Variants in USPL1 observed in about 807,000 individuals in gnomAD.
USPL1 encodes the protein ubiquitin specific peptidase like 1, also known as SUMO-specific isopeptidase USPL1.
A neutral mutation model predicts 51.5 loss-of-function variants in USPL1; 27 were observed. That is an observed-to-expected ratio of 0.52 (90% CI 0.39 to 0.72). USPL1 has a LOEUF of 0.72. USPL1 is among the 30% of genes least tolerant of loss of function. USPL1 has a pLI of 0.00. For synonymous variants in USPL1, 451 were observed against 459.6 expected (o/e 0.98, Z 0.24); for missense variants, 1,226 against 1,268.0 (o/e 0.97, Z 0.50).
Position 30,660,062 on chromosome 13 carries a change from T to C in USPL1, c.*706T>C, listed in dbSNP as rs1276546438. 6.6e-6 allele frequency: 1 copy of C among 152,290 alleles called. No individual in the cohort carries two copies. The highest frequency in any genetic ancestry group is 2.4e-5 in the African/African-American group (1 of 41,468). The allele number at this position is 152,290 out of a possible 1,614,324, so 9.4% of individuals were successfully genotyped here. On this transcript the variant is annotated 3_prime_UTR_variant, in exon 9 of 9. Transcript: ENST00000255304. ...CCCTGGAGAGGATAGCTTCTATCCA[T>C]AGGCAGGTTGTTCTGCCGTCTCTAC...
chr13:30,620,830 T>C (rs2137597497), intron 1 of USPL1, among the ~76,000 whole-genome samples: 1 of 152,326 alleles, frequency 6.6e-6, no homozygotes, highest in South Asian at 2.1e-4. Flanking sequence ...ATTTAATTTG[T>C]TGACAAATGA....
chr13:30,625,743 CG>C (rs1950707109), intron 3 of USPL1, among the ~76,000 whole-genome samples: 1 of 151,706 alleles, frequency 6.6e-6, no homozygotes, highest in Non-Finnish European at 1.5e-5. Context: ...ACGCCCAGCC[CG>C]GAGTTTTGGT....
chr13:30,659,794 A>G lies in USPL1; in HGVS notation c.*438A>G, dbSNP rs1951232200. The G allele has an allele frequency of 6.3e-6, 1 of 159,166 alleles. No individual in the cohort carries two copies. Among genetic ancestry groups the G allele is most frequent in the Admixed American group, 6.3e-5 (1 of 15,768 alleles). 9.9% of individuals were successfully genotyped at this position (159,166 alleles called of 1,614,324 possible). ...TTGTCCTGTGTCCAGATATGCAGAC[A>G]AATGAAGGGTGAAGAAGAAGAAGAG... On this transcript the variant is annotated 3_prime_UTR_variant, in exon 9 of 9. Transcript: ENST00000255304.
At chr13:30,649,793 T>G (rs904378886) in intron 7 of USPL1, among the ~76,000 whole-genome samples, 1 of 152,228 alleles carries the variant, frequency 6.6e-6, no homozygotes, top group Non-Finnish European at 1.5e-5. Context: ...TTTTCTTTTC[T>G]TTTCCTAAGG....
At chr13:30,633,412 T>C (rs1593370439) in intron 4 of USPL1, among the ~76,000 whole-genome samples, 1 of 152,304 alleles carries the variant, frequency 6.6e-6, no homozygotes, top group African/African-American at 2.4e-5. Flanking sequence ...TGGATGGTAC[T>C]GAACCCTGTA....
chr13:30,659,109 T>C lies in USPL1; in HGVS notation c.3032T>C (p.Phe1011Ser). The change falls in exon 9 of 9, where the codon TTC (phenylalanine) becomes TCC (serine). Residue 1011 changes from phenylalanine to serine, a missense_variant. Transcript: ENST00000255304. ...SHIPPPVPSE[F>S]NDVSQNTHLR... is the part of the protein sequence containing the mutation. The stretch of plus-strand genomic sequence containing the variant: ...ATCCCACCACCAGTACCAAGTGAAT[T>C]CAATGATGTTTCCCAGAACACACAT... 6.2e-7 allele frequency: 1 copy of C among 1,614,194 alleles called. No homozygotes were observed. Among genetic ancestry groups the C allele is most frequent in the Non-Finnish European group, 8.5e-7 (1 of 1,180,032 alleles).
chr13:30,654,959 A>G (rs978992075), intron 8 of USPL1, among the ~76,000 whole-genome samples: 1 of 148,230 alleles, frequency 6.7e-6, no homozygotes, highest in African/African-American at 2.5e-5. Context: ...TTTTTTTGAG[A>G]TGGAGTTTTG....
At position 30,657,467 on chromosome 13, in the gene USPL1, C is replaced by A; in HGVS notation, c.1397-7C>A. 1.3e-6 allele frequency: 2 copies of A among 1,568,098 alleles called. No individual in the cohort carries two copies. The highest frequency in any genetic ancestry group is 8.6e-7 in the Non-Finnish European group (1 of 1,162,006). On this transcript the variant is annotated splice_region_variant and splice_polypyrimidine_tract_variant and intron_variant, in intron 8 of 8. Transcript: ENST00000255304. Reference sequence around the variant, plus strand: ...TATCTAACTTTCACTTCTTTCCCATCTTCCAGGAAGTTGGCTGGAATGTGA... The same window carrying A: ...TATCTAACTTTCACTTCTTTCCCATATTCCAGGAAGTTGGCTGGAATGTGA...
chr13:30,654,829 T>A (rs148437752), intron 8 of USPL1, among the ~76,000 whole-genome samples: 1,771 of 152,322 alleles, frequency 0.012, 26 homozygotes, highest in Middle Eastern at 0.051. Context: ...TGACTTTTTT[T>A]AATTCATATG....
chr13:30,637,023 G>A (rs1950885513), intron 4 of USPL1, among the ~76,000 whole-genome samples: 1 of 152,084 alleles, frequency 6.6e-6, no homozygotes, highest in Non-Finnish European at 1.5e-5. Context: ...ACAGCTCACT[G>A]CAGCTTGTAG....
intron 5 of USPL1, among the ~76,000 whole-genome samples, chr13:30,638,166 TA>T (rs1319016369): frequency 6.6e-6 from 1 of 152,220 alleles, no homozygotes; most frequent in Non-Finnish European, 1.5e-5. Flanking sequence ...CTAGCATTTT[TA>T]ACCTCAATTG....
rs768791839 is a variant in USPL1 at position 30,621,786 on chromosome 13, C to G, written c.122C>G (p.Pro41Arg). Reference sequence around the variant, plus strand: ...TAGAATTTTGATTCAGCTAAAGTTCCATCAGATGAGTATTGCCCTGCTTGT... The same window carrying G: ...TAGAATTTTGATTCAGCTAAAGTTCGATCAGATGAGTATTGCCCTGCTTGT... ...LGKNFDSAKV[P>R]SDEYCPACRE... The change falls in exon 3 of 9, where the codon CCA becomes CGA. Residue 41 changes from proline to arginine, a missense_variant. By Grantham distance (103) the Pro-to-Arg change is moderately radical. Coordinates refer to ENST00000255304, the MANE Select transcript of USPL1 (RefSeq NM_005800.5). The G allele has an allele frequency of 6.5e-7, 1 of 1,548,060 alleles. No individual in the cohort carries two copies. Among genetic ancestry groups the G allele is most frequent in the South Asian group, 1.3e-5 (1 of 78,766 alleles).
At chr13:30,638,954 A>C (rs1371175769) in intron 5 of USPL1, among the ~76,000 whole-genome samples, 1 of 151,220 alleles carries the variant, frequency 6.6e-6, no homozygotes, top group African/African-American at 2.4e-5. Flanking sequence ...TTGGTGGCTC[A>C]TGCTTGTAAT....
rs3742303 is a variant in USPL1, at chr13:30,646,969, C to T, written c.1150C>T (p.Pro384Ser). 60,776 of 1,613,702 alleles carry T rather than the reference C, an allele frequency of 0.038. 1,525 individuals are homozygous for T. Among genetic ancestry groups the T allele is most frequent in the South Asian group, 0.094 (8,550 of 91,028 alleles). The change falls in exon 7 of 9, where the codon CCT (proline) becomes TCT (serine). Residue 384 changes from proline to serine, a missense_variant. By Grantham distance (74) the Pro-to-Ser change is moderately conservative. Coordinates refer to ENST00000255304, the MANE Select transcript of USPL1 (RefSeq NM_005800.5). ...TCTGGTCACCTTTACAAATGTCATC[C>T]CTGAGTGGCACCCACTTAATGCTGC... ...KSLVTFTNVI[P>S]EWHPLNAAHF...
rs1446908995 is a variant in USPL1 at position 30,642,757 on chromosome 13, G to T, written c.1112G>T (p.Arg371Met). ...CSQCGHQYQNRHMKSLVTFTN... is the reference protein window; with the variant it reads ...CSQCGHQYQNMHMKSLVTFTN... ...CAGTGTGGACACCAATATCAAAACAGGTTAGTTTCTTTTGTTTTTTAAAAT... is the reference window on the plus strand; with the variant it reads ...CAGTGTGGACACCAATATCAAAACATGTTAGTTTCTTTTGTTTTTTAAAAT... Residue 371 changes from arginine (R) to methionine (M), a missense_variant and splice_region_variant, in exon 6 of 9, where the codon AGG becomes ATG. Physicochemically the swap from Arg to Met is moderately conservative, Grantham distance 91. Transcript: ENST00000255304. 6.2e-7 allele frequency: 1 copy of T among 1,605,976 alleles called. No individual in the cohort carries two copies. Among genetic ancestry groups the T allele is most frequent in the African/African-American group, 1.3e-5 (1 of 74,144 alleles).
At chr13:30,625,499 G>C (rs1950703228) in intron 3 of USPL1, among the ~76,000 whole-genome samples, 1 of 144,020 alleles carries the variant, frequency 6.9e-6, no homozygotes, top group African/African-American at 2.6e-5. Context: ...AGGCTGGAGT[G>C]CAGTGGTGCG....
intron 8 of USPL1, among the ~76,000 whole-genome samples, chr13:30,657,106 T>A (rs192194897): frequency 6.6e-5 from 10 of 152,314 alleles, no homozygotes; most frequent in Non-Finnish European, 1.5e-4. Flanking sequence ...TCCCTTGTCA[T>A]CTATCATCTC....
chr13:30,631,767 AG>A (rs1173011470), intron 4 of USPL1, among the ~76,000 whole-genome samples: 1 of 152,210 alleles, frequency 6.6e-6, no homozygotes, highest in African/African-American at 2.4e-5. Flanking sequence ...CTGGGATTAC[AG>A]GCATGAGTCA....
At position 30,659,385 on chromosome 13, in the gene USPL1, ATAT is replaced by A. The variant is rs1413569496; in HGVS notation, c.*31_*33del. The A allele has an allele frequency of 2.0e-6, 3 of 1,473,996 alleles. No individual in the cohort carries two copies. Among genetic ancestry groups the A allele is most frequent in the African/African-American group, 1.4e-5 (1 of 69,750 alleles). 91.3% of individuals were successfully genotyped at this position (1,473,996 alleles called of 1,614,324 possible). On this transcript the variant is annotated 3_prime_UTR_variant, in exon 9 of 9. Transcript: ENST00000255304. Reference sequence around the variant, plus strand: ...AATGCTTGTTAACTTTTTTCATATAATATTTATTATTATTAGAAGAACTTACAA... The same window carrying A: ...AATGCTTGTTAACTTTTTTCATATAATTATTATTATTAGAAGAACTTACAA...
Sources: allele counts gnomAD v4.1 joint callset (sites outside exome capture counted in the v4.1 genomes callset), GRCh38; gene constraint gnomAD v4.1.1; transcripts MANE v1.5; gene names NCBI Gene and HGNC (gene_info 2026-07-23, HGNC 2026-07-21).